The following MAD2L1 variants were observed in gnomAD, a reference collection of about 807,000 sequenced individuals.
MAD2L1 encodes mitotic spindle assembly checkpoint protein MAD2A.
In MAD2L1, 10 loss-of-function variants were observed where a neutral mutation model predicts 25.9. The observed-to-expected ratio is 0.39, with a 90% CI of 0.24 to 0.66. The LOEUF is 0.66. MAD2L1 is among the 30% of genes least tolerant of loss of function. MAD2L1 has a pLI of 0.49. For missense variants in MAD2L1, 180 were observed against 246.4 expected, an observed-to-expected ratio of 0.73 and a Z score of 1.80; for synonymous variants, 81 against 91.8, an observed-to-expected ratio of 0.88 and a Z score of 0.67.
Position 120,060,005 on chromosome 4 carries a change from T to G in MAD2L1, c.*113A>C. ...CACAGTTCAGTAAGTATCATTTTGGTTTTCTCCATGTAAAAATTAACCAAT... is the reference window on the plus strand; with the variant it reads ...CACAGTTCAGTAAGTATCATTTTGGGTTTCTCCATGTAAAAATTAACCAAT... On this transcript the variant is annotated 3_prime_UTR_variant, in exon 5 of 5. Coordinates refer to ENST00000296509, the MANE Select transcript of MAD2L1 (RefSeq NM_002358.4). 1.0e-6 allele frequency: 1 copy of G among 970,980 alleles called. No homozygotes were observed. 60.1% of individuals were successfully genotyped at this position (970,980 alleles called of 1,614,324 possible). A position where few individuals can be genotyped will look rare whatever the true frequency, so the allele number is the denominator to read the frequency against.
rs375432097 is a variant in MAD2L1 at position 120,066,774 on chromosome 4, G to T, written c.-40C>A. ...ACAAAAGCACGCGCTTCCACTCCGC[G>T]GACAGCAACCACAGCGGCTCCAACA... On this transcript the variant is annotated 5_prime_UTR_variant, in exon 1 of 5. Transcript: ENST00000296509. 29 of 1,489,978 alleles carry T rather than the reference G, an allele frequency of 1.9e-5. No homozygotes were observed. In the African/African-American group the frequency reaches 3.6e-4, roughly 18 times the overall value. 92.3% of individuals were successfully genotyped at this position (1,489,978 alleles called of 1,614,324 possible).
chr4:120,066,790 G>T lies in MAD2L1; in HGVS notation c.-56C>A. ...CCACTCCGCGGACAGCAACCACAGCGGCTCCAACAGCACTTCCCCGCCAAG... is the reference window on the plus strand; with the variant it reads ...CCACTCCGCGGACAGCAACCACAGCTGCTCCAACAGCACTTCCCCGCCAAG... On this transcript the variant is annotated 5_prime_UTR_variant, in exon 1 of 5. Transcript: ENST00000296509. The T allele has an allele frequency of 3.9e-6, 5 of 1,294,816 alleles. No individual in the cohort carries two copies. The highest frequency in any genetic ancestry group is 1.8e-5 in the Admixed American group (1 of 55,598). The allele number at this position is 1,294,816 out of a possible 1,614,324, so 80.2% of individuals were successfully genotyped here.
chr4:120,062,588 G>A (rs1432184841), intron 2 of MAD2L1, among the ~76,000 whole-genome samples: 1 of 152,194 alleles, frequency 6.6e-6, no homozygotes, highest in Non-Finnish European at 1.5e-5. Context: ...AGAGCATATA[G>A]AGGGCTGGAA....
In MAD2L1 at chr4:120,060,124, ATT is replaced by A; in HGVS notation, c.610_611del (p.Asn204Ter). 6.3e-7 allele frequency: 1 copy of A among 1,598,854 alleles called. No homozygotes were observed. The highest frequency in any genetic ancestry group is 1.1e-5 in the South Asian group (1 of 89,362). On this transcript the variant is annotated frameshift_variant, in exon 5 of 5. Transcript: ENST00000296509. LOFTEE classifies it high-confidence loss of function. Reference protein sequence around the residue: ...NSMVAYKIPVND With the variant: ...NSMVAYKIPVXD ...TATTTTCCTCATGTCATCCTCAGTC[ATT>A]GACAGGAATTTTGTAGGCCACCATG...
In MAD2L1 at chr4:120,058,448, G is replaced by C. The variant is rs1237168335; in HGVS notation, c.*1670C>G. ...AGTTCAAGACTAGCCTGGCCAACAT[G>C]GTGAAACCCTCTCTCTACTAAAAAT... is the stretch of plus-strand genomic sequence containing the variant. On this transcript the variant is annotated 3_prime_UTR_variant, in exon 5 of 5. Transcript: ENST00000296509. 1 of 152,040 alleles carries C rather than the reference G, an allele frequency of 6.6e-6. No homozygotes were observed. The highest frequency in any genetic ancestry group is 1.5e-5 in the Non-Finnish European group (1 of 68,064). The allele number at this position is 152,040 out of a possible 1,614,324, so 9.4% of individuals were successfully genotyped here.
intron 1 of MAD2L1, 59 bp downstream of exon 1, chr4:120,066,603 G>A (rs1726325593): frequency 6.8e-7 from 1 of 1,467,792 alleles, no homozygotes; most frequent in South Asian, 1.2e-5. Context: ...CGAGCTGTGG[G>A]CCTACTGAGC....
Position 120,059,976 on chromosome 4 carries a change from T to C in MAD2L1, c.*142A>G. ...GTACCAAAAAAATAAAAGGAACAAT[T>C]ACACACAGTTCAGTAAGTATCATTT... On this transcript the variant is annotated 3_prime_UTR_variant, in exon 5 of 5. Coordinates refer to ENST00000296509, the MANE Select transcript of MAD2L1 (RefSeq NM_002358.4). 1 of 632,044 alleles carries C rather than the reference T, an allele frequency of 1.6e-6. No individual in the cohort carries two copies. Among genetic ancestry groups the C allele is most frequent in the Non-Finnish European group, 2.6e-6 (1 of 381,422 alleles). The allele number at this position is 632,044 out of a possible 1,614,324, so 39.2% of individuals were successfully genotyped here. A position where few individuals can be genotyped will look rare whatever the true frequency, so the allele number is the denominator to read the frequency against.
chr4:120,062,149 G>A (rs1726231090), intron 2 of MAD2L1, 54 bp from the exon 3 acceptor site: 5 of 1,549,878 alleles, frequency 3.2e-6, no homozygotes, highest in Middle Eastern at 1.7e-4. Flanking sequence ...TCATAAAGTA[G>A]CTCTCTTCTC....
At chr4:120,063,700 T>C (rs1292532572) in intron 2 of MAD2L1, among the ~76,000 whole-genome samples, 1 of 152,130 alleles carries the variant, frequency 6.6e-6, no homozygotes, top group African/African-American at 2.4e-5. Context: ...GGAAATTACA[T>C]TCAAAACAAA....
intron 4 of MAD2L1, 99 bp downstream of exon 4, chr4:120,060,775 C>T: frequency 1.4e-6 from 1 of 704,204 alleles, no homozygotes; most frequent in East Asian, 2.8e-5. Context: ...TTACATAAAT[C>T]TGATAAATAA....
Position 120,060,088 on chromosome 4 carries a change from T to C in MAD2L1, c.*30A>G. ...TTTCAGGAAAACCACATTTCAAAAT[T>C]ACAATTACATTATTTTCCTCATGTC... On this transcript the variant is annotated 3_prime_UTR_variant, in exon 5 of 5. Transcript: ENST00000296509. 8 of 1,545,428 alleles carry C rather than the reference T, an allele frequency of 5.2e-6. No individual in the cohort carries two copies. Among genetic ancestry groups the C allele is most frequent in the African/African-American group, 1.4e-5 (1 of 73,226 alleles).
Position 120,058,254 on chromosome 4 carries a change from C to G in MAD2L1, c.*1864G>C, listed in dbSNP as rs1464691476. 6.6e-6 allele frequency: 1 copy of G among 152,122 alleles called. No homozygotes were observed. The highest frequency in any genetic ancestry group is 2.4e-5 in the African/African-American group (1 of 41,442). 9.4% of individuals were successfully genotyped at this position (152,122 alleles called of 1,614,324 possible). On this transcript the variant is annotated 3_prime_UTR_variant, in exon 5 of 5. Coordinates refer to ENST00000296509, the MANE Select transcript of MAD2L1 (RefSeq NM_002358.4). ...AAACCTCAGAGTAAATAGTAGCATG[C>G]AAATGATACAAAAATCTAAGAATTT...
chr4:120,066,698 G>T lies in MAD2L1; in HGVS notation c.37C>A (p.Leu13Met). Residue 13 changes from leucine (L) to methionine (M), a missense_variant, in exon 1 of 5, where the codon CTG becomes ATG. Leu to Met is a conservative substitution (Grantham distance 15, BLOSUM62 2). Transcript: ENST00000296509. ...GCCACGATTTCGGCGCTCCCGCGCA[G>T]GGTGATTCCCTGCTCCCGGGAGAGC... is the stretch of plus-strand genomic sequence containing the variant. ...LQLSREQGIT[L>M]RGSAEIVAEF... 1 of 1,604,584 alleles carries T rather than the reference G, an allele frequency of 6.2e-7. No homozygotes were observed.
chr4:120,063,214 C>T (rs2908988), intron 2 of MAD2L1, among the ~76,000 whole-genome samples: 118,480 of 152,126 alleles, frequency 0.78, 46,506 homozygotes, highest in East Asian at 0.89. Flanking sequence ...AGTTTGTGAG[C>T]TGACTACACA....
rs758740535 is a variant in MAD2L1 at position 120,060,191 on chromosome 4, C to T, written c.545G>A (p.Arg182His). Residue 182 changes from arginine to histidine, a missense_variant, in exon 5 of 5, where the codon CGC (arginine) becomes CAC (histidine). Arg to His is a conservative substitution (Grantham distance 29, BLOSUM62 0). Coordinates refer to ENST00000296509, the MANE Select transcript of MAD2L1 (RefSeq NM_002358.4). ...GATTGTAGTAGTAAATGAACGAAGG[C>T]GGACTTCCTCAGAATTGGTAATAAA... ...PQFITNSEEV[R>H]LRSFTTTIHK... is the part of the protein sequence containing the mutation. The T allele has an allele frequency of 7.4e-6, 12 of 1,612,226 alleles. No homozygotes were observed. Among genetic ancestry groups the T allele is most frequent in the East Asian group, 2.2e-5 (1 of 44,850 alleles).
chr4:120,062,506 T>C (rs1726239517), intron 2 of MAD2L1, among the ~76,000 whole-genome samples: 1 of 152,104 alleles, frequency 6.6e-6, no homozygotes, highest in African/African-American at 2.4e-5. Flanking sequence ...TGAGTTTAGC[T>C]CTAGGGATAA....
At chr4:120,064,776 C>A (rs1478344992) in intron 2 of MAD2L1, among the ~76,000 whole-genome samples, 1 of 151,940 alleles carries the variant, frequency 6.6e-6, no homozygotes, top group Non-Finnish European at 1.5e-5. Flanking sequence ...AAAAAGTTCA[C>A]ATGGCCATCA....
intron 4 of MAD2L1, among the ~76,000 whole-genome samples, 197 bp downstream of exon 4, chr4:120,060,677 G>A (rs1000725629): frequency 6.6e-6 from 1 of 152,058 alleles, no homozygotes; most frequent in Non-Finnish European, 1.5e-5. Flanking sequence ...ACTATCCATG[G>A]TTTCAGGTAT....
In MAD2L1 at chr4:120,060,053, G is replaced by C. The variant is rs1020385886; in HGVS notation, c.*65C>G. On this transcript the variant is annotated 3_prime_UTR_variant, in exon 5 of 5. Coordinates refer to ENST00000296509, the MANE Select transcript of MAD2L1 (RefSeq NM_002358.4). ...AATGAAATAAAACATATCAACTATA[G>C]ATGACTTGATTTCAGGAAAACCACA... 8 of 1,378,044 alleles carry C rather than the reference G, an allele frequency of 5.8e-6. No homozygotes were observed. In the African/African-American group the frequency reaches 1.1e-4, roughly 20 times the overall value. The allele number at this position is 1,378,044 out of a possible 1,614,324, so 85.4% of individuals were successfully genotyped here. A position where few individuals can be genotyped will look rare whatever the true frequency, so the allele number is the denominator to read the frequency against.
Sources: allele counts gnomAD v4.1 joint callset (sites outside exome capture counted in the v4.1 genomes callset), GRCh38; gene constraint gnomAD v4.1.1; transcripts MANE v1.5; gene names NCBI Gene and HGNC (gene_info 2026-07-23, HGNC 2026-07-21).